Variants in EYA4 observed in about 807,000 individuals in gnomAD.
EYA4 encodes protein phosphatase EYA4.
A neutral mutation model predicts 87.9 loss-of-function variants in EYA4; 31 were observed. The ratio of observed to expected loss-of-function variants is 0.35; its 90% CI spans 0.27 to 0.48. The LOEUF (loss-of-function observed/expected upper bound fraction) is 0.48. Among genes scored for constraint, EYA4 ranks in the 20% least tolerant of loss-of-function variants. The probability of loss-of-function intolerance (pLI) is 0.99; values close to 1 mark genes in which losing one functional copy is unlikely to be tolerated. For missense variants in EYA4, 678 were observed against 761.4 expected, an observed-to-expected ratio of 0.89 and a Z score of 1.29; for synonymous variants, 263 against 270.6, an observed-to-expected ratio of 0.97 and a Z score of 0.28.
intron 14 of EYA4, chr6:133,510,433 A>T: frequency 5.8e-6 from 2 of 346,810 alleles, no homozygotes; most frequent in Non-Finnish European, 1.1e-5. Flanking sequence ...AATAAGAAAT[A>T]ATCTCATCAT....
chr6:133,324,934 A>C (rs1408485805), intron 2 of EYA4, among the ~76,000 whole-genome samples: 1 of 119,240 alleles, frequency 8.4e-6, no homozygotes, highest in Non-Finnish European at 1.6e-5. Flanking sequence ...TTTTTGAGAC[A>C]GAGTCTCGCC....
At chr6:133,258,827 A>G (rs1352411086) in intron 1 of EYA4, among the ~76,000 whole-genome samples, 2 of 152,132 alleles carry the variant, frequency 1.3e-5, no homozygotes, top group Admixed American at 1.3e-4. Flanking sequence ...ATCTTCCTGT[A>G]GCTTAAACGT....
At chr6:133,425,800 T>G (rs79774421) in intron 3 of EYA4, among the ~76,000 whole-genome samples, 3,605 of 150,632 alleles carry the variant, frequency 0.024, 380 homozygotes, top group African/African-American at 0.086. Flanking sequence ...TCACACACTT[T>G]TCTGAAGTGT....
chr6:133,256,394 TCTAA>T (rs954497112), intron 1 of EYA4, among the ~76,000 whole-genome samples: 2 of 151,980 alleles, frequency 1.3e-5, no homozygotes, highest in Admixed American at 1.3e-4. Context: ...GAGAAATGGT[TCTAA>T]CTCTCATGTG....
At chr6:133,263,905 C>T (rs1253290682) in intron 1 of EYA4, among the ~76,000 whole-genome samples, 3 of 152,206 alleles carry the variant, frequency 2.0e-5, no homozygotes, top group African/African-American at 7.2e-5. Context: ...GTTTCCCCAT[C>T]CCAAGGTCTG....
intron 10 of EYA4, among the ~76,000 whole-genome samples, chr6:133,465,704 G>T (rs1166083590): frequency 6.6e-6 from 1 of 152,076 alleles, no homozygotes; most frequent in African/African-American, 2.4e-5. Flanking sequence ...TTTTACTTTA[G>T]TATAGTTGCT....
At chr6:133,420,142 A>T (rs968749757) in intron 3 of EYA4, among the ~76,000 whole-genome samples, 13 of 152,144 alleles carry the variant, frequency 8.5e-5, no homozygotes, top group Admixed American at 7.2e-4. Context: ...ACCAAAAAAA[A>T]ATCATCCATA....
At chr6:133,440,970 G>C (rs974987355) in intron 3 of EYA4, among the ~76,000 whole-genome samples, 2 of 152,124 alleles carry the variant, frequency 1.3e-5, no homozygotes, top group African/African-American at 4.8e-5. Flanking sequence ...TTCAGAATTT[G>C]ACTGATGTGT....
At chr6:133,462,257 G>A in intron 7 of EYA4, 78 bp from the exon 8 acceptor site, 1 of 1,422,292 alleles carries the variant, frequency 7.0e-7, no homozygotes, top group East Asian at 2.3e-5. Flanking sequence ...GGATATTATA[G>A]GGTTTCACTG....
At chr6:133,299,447 T>C (rs2128310925) in intron 2 of EYA4, among the ~76,000 whole-genome samples, 1 of 152,118 alleles carries the variant, frequency 6.6e-6, no homozygotes, top group East Asian at 1.9e-4. Context: ...TAAAATCGGC[T>C]GGGCCTGTGA....
At chr6:133,416,372 G>T (rs1562395161) in intron 3 of EYA4, among the ~76,000 whole-genome samples, 1 of 152,204 alleles carries the variant, frequency 6.6e-6, no homozygotes, top group Admixed American at 6.5e-5. Context: ...AAAACCAGGT[G>T]ACTCCAGGAG....
intron 3 of EYA4, among the ~76,000 whole-genome samples, chr6:133,412,732 A>G (rs186314335): frequency 6.6e-6 from 1 of 152,268 alleles, no homozygotes; most frequent in East Asian, 1.9e-4. Flanking sequence ...CATAGATCTC[A>G]TGGCTCACCT....
intron 2 of EYA4, among the ~76,000 whole-genome samples, chr6:133,353,160 C>T (rs9389070): frequency 0.18 from 26,901 of 152,016 alleles, 2,548 homozygotes; most frequent in East Asian, 0.35. Context: ...CTTTCCTGAA[C>T]AATGTATCAT....
At chr6:133,314,079 G>C (rs1316033676) in intron 2 of EYA4, among the ~76,000 whole-genome samples, 1 of 152,130 alleles carries the variant, frequency 6.6e-6, no homozygotes, top group Non-Finnish European at 1.5e-5. Context: ...GTTAGTATCT[G>C]AGTAAAGCTA....
chr6:133,480,087 T>G (rs58329950), intron 11 of EYA4, among the ~76,000 whole-genome samples: 1,632 of 152,028 alleles, frequency 0.011, 33 homozygotes, highest in African/African-American at 0.038. Context: ...GAGAGTTAAA[T>G]CCCCCAGATT....
chr6:133,452,174 G>C (rs1392703415), intron 5 of EYA4, among the ~76,000 whole-genome samples: 2 of 152,074 alleles, frequency 1.3e-5, no homozygotes, highest in Non-Finnish European at 2.9e-5. Flanking sequence ...TAACTTTCCT[G>C]ATCTAACTCT....
chr6:133,420,593 C>CT (rs1414646167), intron 3 of EYA4, among the ~76,000 whole-genome samples: 1 of 152,202 alleles, frequency 6.6e-6, no homozygotes, highest in Non-Finnish European at 1.5e-5. Context: ...AAGTAAGACT[C>CT]TGACAGCAGG....
chr6:133,513,362 G>A (rs9375968), intron 16 of EYA4, among the ~76,000 whole-genome samples: 59,117 of 151,890 alleles, frequency 0.39, 12,279 homozygotes, highest in East Asian at 0.66. Context: ...GGAACTAACC[G>A]AGGCAACAGA....
At chr6:133,246,063 C>T (rs1774382131) in intron 1 of EYA4, among the ~76,000 whole-genome samples, 1 of 152,038 alleles carries the variant, frequency 6.6e-6, no homozygotes, top group South Asian at 2.1e-4. Context: ...AAATAGAAAC[C>T]ATTTTGTGTT....
Sources: allele counts gnomAD v4.1 joint callset (sites outside exome capture counted in the v4.1 genomes callset), GRCh38; gene constraint gnomAD v4.1.1; transcripts MANE v1.5; gene names NCBI Gene and HGNC (gene_info 2026-07-23, HGNC 2026-07-21).